Variants in CPXM2 observed in about 807,000 individuals in gnomAD.
The protein encoded by CPXM2 is carboxypeptidase X, M14 family member 2, also known as inactive carboxypeptidase-like protein X2.
A neutral mutation model predicts 86.1 loss-of-function variants in CPXM2; 66 were observed. That is an observed-to-expected ratio of 0.77 (90% CI 0.63 to 0.94). The LOEUF (loss-of-function observed/expected upper bound fraction) is 0.94, where lower values mean the gene tolerates loss of function less well. Ranked by LOEUF, CPXM2 falls within the 40% of genes least tolerant of loss-of-function variation. The pLI, the probability that CPXM2 is intolerant of heterozygous loss-of-function variation, is 0.00. For synonymous variants in CPXM2, 388 were observed against 400.2 expected, an observed-to-expected ratio of 0.97 and a Z score of 0.36; for missense variants, 948 against 1,026.3, an observed-to-expected ratio of 0.92 and a Z score of 1.04.
chr10:123,839,731 A>G (rs1848347432), intron 4 of CPXM2, among the ~76,000 whole-genome samples: 1 of 152,214 alleles, frequency 6.6e-6, no homozygotes, highest in Non-Finnish European at 1.5e-5. Context: ...TTTTCTGGAC[A>G]TACTGAGATA....
At chr10:123,916,858 G>T (rs1945537573) in intron 2 of CPXM2, among the ~76,000 whole-genome samples, 1 of 151,722 alleles carries the variant, frequency 6.6e-6, no homozygotes, top group African/African-American at 2.4e-5. Flanking sequence ...GCTCACCACA[G>T]CTTGGAACTC....
chr10:123,746,785 CT>C lies in CPXM2; in HGVS notation c.2249del (p.Gln750ArgfsTer52), dbSNP rs777252348. On this transcript the variant is annotated frameshift_variant, in exon 14 of 14. Coordinates refer to ENST00000241305, the MANE Select transcript of CPXM2 (RefSeq NM_198148.3). LOFTEE classifies it high-confidence loss of function. ...AGGGTCACCCACGCTGTCGTCTCTT[CT>C]GCCCCCGCAGCTTCAGCCGCCTGGC... ...LPARRLKLRG[Q>X]KRRQRG 2 of 1,614,176 alleles carry C rather than the reference CT, an allele frequency of 1.2e-6. No homozygotes were observed. The highest frequency in any genetic ancestry group is 1.7e-6 in the Non-Finnish European group (2 of 1,180,018).
At chr10:123,772,302 T>C (rs1361745477) in intron 7 of CPXM2, among the ~76,000 whole-genome samples, 1 of 151,966 alleles carries the variant, frequency 6.6e-6, no homozygotes, top group Admixed American at 6.5e-5. Context: ...TCCCTGGTTG[T>C]AGTCACCACC....
At chr10:123,867,519 ATTTCTTTCTTT>A (rs1944812914) in intron 2 of CPXM2, among the ~76,000 whole-genome samples, 1 of 131,158 alleles carries the variant, frequency 7.6e-6, no homozygotes, top group Non-Finnish European at 1.6e-5. Context: ...CATCCTAGAG[ATTTCTTTCTTT>A]TTTTTTTTTT....
chr10:123,783,024 C>G (rs145191480), intron 6 of CPXM2, among the ~76,000 whole-genome samples: 1 of 152,238 alleles, frequency 6.6e-6, no homozygotes, highest in African/African-American at 2.4e-5. Context: ...GACACTCCCA[C>G]CAGCTCCAAG....
intron 1 of CPXM2, chr10:123,886,972 A>G (rs1337955248): frequency 6.6e-6 from 1 of 152,182 alleles, no homozygotes; most frequent in East Asian, 1.9e-4. Flanking sequence ...CCCTTACCTT[A>G]TTCATAACCC....
intron 2 of CPXM2, among the ~76,000 whole-genome samples, chr10:123,922,123 TC>T (rs1305818586): frequency 3.3e-5 from 5 of 152,190 alleles, no homozygotes; most frequent in Admixed American, 6.5e-5. Context: ...TTGAGCAGCA[TC>T]CCTGACCTCT....
At chr10:123,803,894 T>A (rs1021470965) in intron 4 of CPXM2, among the ~76,000 whole-genome samples, 1 of 152,124 alleles carries the variant, frequency 6.6e-6, no homozygotes, top group Non-Finnish European at 1.5e-5. Flanking sequence ...TGTCCTGACC[T>A]CATGATCTGC....
intron 10 of CPXM2, 96 bp downstream of exon 10, chr10:123,766,877 T>C: frequency 1.0e-6 from 1 of 1,000,218 alleles, no homozygotes. Context: ...AAAAAACAGT[T>C]TTGTCTCTTT....
At chr10:123,940,555 G>A (rs754378050), upstream of CPXM2, among the ~76,000 whole-genome samples, 17 of 152,126 alleles carry the variant, frequency 1.1e-4, no homozygotes, top group African/African-American at 1.4e-4. Context: ...CCTTGGCTCC[G>A]GCTCTCAGTG....
At chr10:123,844,821 G>C (rs1417859355) in intron 3 of CPXM2, among the ~76,000 whole-genome samples, 1 of 152,244 alleles carries the variant, frequency 6.6e-6, no homozygotes, top group African/African-American at 2.4e-5. Flanking sequence ...CAGAACCTTA[G>C]AAAAGCTGAG....
chr10:123,860,411 A>T (rs112806871), intron 3 of CPXM2, among the ~76,000 whole-genome samples: 2,308 of 152,282 alleles, frequency 0.015, 55 homozygotes, highest in African/African-American at 0.052. Context: ...GCCTGTCTAC[A>T]ACATCTCATT....
At chr10:123,886,504 C>G (rs1945180336) in intron 1 of CPXM2, among the ~76,000 whole-genome samples, 1 of 152,192 alleles carries the variant, frequency 6.6e-6, no homozygotes, top group Non-Finnish European at 1.5e-5. Flanking sequence ...GTACAAAATG[C>G]AAACTCAATG....
At chr10:123,768,454 G>C in intron 9 of CPXM2, 72 bp downstream of exon 9, 1 of 1,221,074 alleles carries the variant, frequency 8.2e-7, no homozygotes, top group Non-Finnish European at 1.2e-6. Context: ...CATAGCCCTA[G>C]GGCCAGACAT....
chr10:123,812,885 CA>C (rs1322010887), intron 4 of CPXM2, among the ~76,000 whole-genome samples: 1 of 152,122 alleles, frequency 6.6e-6, no homozygotes, highest in African/African-American at 2.4e-5. Context: ...TCCCTGGTGC[CA>C]AAAAGGTTGG....
chr10:123,852,751 C>T (rs1267568825), intron 3 of CPXM2, among the ~76,000 whole-genome samples: 1 of 152,156 alleles, frequency 6.6e-6, no homozygotes, highest in Non-Finnish European at 1.5e-5. Context: ...TTTGCTCAAG[C>T]CATCCCCTCT....
Position 123,881,231 on chromosome 10 carries a change from CTCTTCCCTTCCCTTCCCTTCCCTT to C in CPXM2, c.305-946_305-923del, listed in dbSNP as rs1564811056. On this transcript the variant is annotated intron_variant, in intron 1 of 13. Coordinates refer to ENST00000241305, the MANE Select transcript of CPXM2 (RefSeq NM_198148.3). ...TTGTTCCTTCTCCTGGAGCACCCTT[CTCTTCCCTTCCCTTCCCTTCCCTT>C]CCCTTCCCTTTACGCTCAAGCTAAT... 2.0e-4 allele frequency among the ~76,000 whole-genome samples: 19 copies of C among 93,824 alleles called. 1 individual carries two copies. Among genetic ancestry groups the C allele is most frequent in the South Asian group, 3.0e-4 (1 of 3,380 alleles). 61.6% of individuals were successfully genotyped at this position (93,824 alleles called of 152,430 possible).
Position 123,767,193 on chromosome 10 carries a change from G to A in CPXM2, c.1300-41C>T, listed in dbSNP as rs1846500062. 2.6e-6 allele frequency: 4 copies of A among 1,567,766 alleles called. No homozygotes were observed. The East Asian group carries it at 9.0e-5, about 35-fold the overall frequency. ...AGTGTGAAGAATGCACAGGCTGCAGGACAACGCGGACCCTCTACCATACAA... is the reference window on the plus strand; with the variant it reads ...AGTGTGAAGAATGCACAGGCTGCAGAACAACGCGGACCCTCTACCATACAA... On this transcript the variant is annotated intron_variant, in intron 9 of 13. Transcript: ENST00000241305.
chr10:123,856,971 C>T (rs777778214), intron 3 of CPXM2, among the ~76,000 whole-genome samples: 2 of 152,184 alleles, frequency 1.3e-5, no homozygotes, highest in African/African-American at 2.4e-5. Context: ...TCCGTAGTTG[C>T]TCCCAGAATG....
Sources: gnomAD v4.1 joint callset for allele counts (sites outside exome capture counted in the v4.1 genomes callset) on GRCh38, gnomAD v4.1.1 for gene constraint, MANE v1.5 for transcripts, NCBI Gene and HGNC (gene_info 2026-07-23, HGNC 2026-07-21) for gene names.